The following COLEC12 variants were observed in gnomAD, a reference collection of about 807,000 sequenced individuals.
The protein encoded by COLEC12 is collectin-12.
In COLEC12, 33 loss-of-function variants were observed where a neutral mutation model predicts 71.1. That is an observed-to-expected ratio of 0.46 (90% confidence interval 0.35 to 0.62). The LOEUF is 0.62. Among genes scored for constraint, COLEC12 ranks in the 20% least tolerant of loss-of-function variants. The pLI, the probability that COLEC12 is intolerant of heterozygous loss-of-function variation, is 0.00. For synonymous variants in COLEC12, 350 were observed against 353.0 expected (o/e 0.99, Z 0.10); for missense variants, 765 against 916.1 (o/e 0.84, Z 2.13).
chr18:467,007 G>C (rs958344756), intron 2 of COLEC12, among the ~76,000 whole-genome samples: 4 of 152,078 alleles, frequency 2.6e-5, no homozygotes, highest in African/African-American at 9.7e-5. Flanking sequence ...CAAGTAGTCA[G>C]TAAGGAAAAG....
intron 2 of COLEC12, among the ~76,000 whole-genome samples, chr18:462,286 C>G (rs1348598095): frequency 6.6e-6 from 1 of 152,180 alleles, no homozygotes; most frequent in Admixed American, 6.5e-5. Context: ...AAATGCCTAC[C>G]AATTGATGAA....
rs1242724676 is a variant in COLEC12, at chr18:399,737, C to T, written c.59-42215G>A. ...TGCGGAATTTGGGGTGGATGCCGAGCGCTGGGAAGGAATATGCCCTCGTTC... is the reference window on the plus strand; with the variant it reads ...TGCGGAATTTGGGGTGGATGCCGAGTGCTGGGAAGGAATATGCCCTCGTTC... On this transcript the variant is annotated intron_variant, in intron 2 of 9. Transcript: ENST00000400256. This position sits in a 1 kb window ranked among gnomAD's most constrained non-coding sequence, Gnocchi z 4.0. 2.6e-5 allele frequency among the ~76,000 whole-genome samples: 4 copies of T among 152,130 alleles called. No individual in the cohort carries two copies. Among genetic ancestry groups the T allele is most frequent in the African/African-American group, 4.8e-5 (2 of 41,430 alleles).
At chr18:357,232 A>T (rs1379491004) in intron 3 of COLEC12, among the ~76,000 whole-genome samples, 168 bp downstream of exon 3, 1 of 152,232 alleles carries the variant, frequency 6.6e-6, no homozygotes, top group African/African-American at 2.4e-5. Flanking sequence ...CCCCTTTCAG[A>T]TCTCATAGCT....
chr18:476,194 A>G (rs534569515), intron 2 of COLEC12, among the ~76,000 whole-genome samples: 1 of 152,224 alleles, frequency 6.6e-6, no homozygotes, highest in South Asian at 2.1e-4. Flanking sequence ...CAATCCCCTT[A>G]GAACTCTCCC....
At chr18:476,036 G>T (rs537065328) in intron 2 of COLEC12, among the ~76,000 whole-genome samples, 104 of 152,332 alleles carry the variant, frequency 6.8e-4, no homozygotes, top group Non-Finnish European at 1.2e-3. Flanking sequence ...AGCCTGGCTT[G>T]TTTGAAGCTA....
At chr18:368,734 C>CG (rs1914920825) in intron 2 of COLEC12, among the ~76,000 whole-genome samples, 2 of 152,148 alleles carry the variant, frequency 1.3e-5, no homozygotes, top group South Asian at 4.1e-4. Flanking sequence ...GGCGTGGTGG[C>CG]GGGCGCCTGT....
At chr18:331,457 A>C (rs1400451708) in intron 8 of COLEC12, among the ~76,000 whole-genome samples, 1 of 152,216 alleles carries the variant, frequency 6.6e-6, no homozygotes, top group East Asian at 1.9e-4. Flanking sequence ...TCACTCCATG[A>C]AAAGAAGAAA....
At position 442,034 on chromosome 18, in the gene COLEC12, CACACACACACA is replaced by C. The variant is rs1372912826; in HGVS notation, c.58+38662_58+38672del. On this transcript the variant is annotated intron_variant, in intron 2 of 9. Coordinates refer to ENST00000400256, the MANE Select transcript of COLEC12 (RefSeq NM_130386.3). ...ACACACACACACACACACACACACA[CACACACACACA>C]CACACACAGCTTCTGATGACTGTCA... Among the ~76,000 whole-genome samples the C allele has an allele frequency of 4.0e-5, 6 of 148,236 alleles. No individual in the cohort carries two copies. In the East Asian group the frequency reaches 5.8e-4, roughly 14 times the overall value.
chr18:494,521 T>C (rs1273751907), intron 1 of COLEC12, among the ~76,000 whole-genome samples: 3 of 152,182 alleles, frequency 2.0e-5, no homozygotes, highest in Admixed American at 6.5e-5. Context: ...TTAAGTGACT[T>C]GCCTGAGGTC....
chr18:470,586 A>AAG (rs1356510387), intron 2 of COLEC12, among the ~76,000 whole-genome samples: 160 of 152,138 alleles, frequency 1.1e-3, no homozygotes, highest in African/African-American at 3.8e-3. Flanking sequence ...GTCTCTAAAA[A>AAG]AAAAAAAATT....
intron 2 of COLEC12, among the ~76,000 whole-genome samples, chr18:455,646 TG>T (rs1008212298): frequency 4.7e-5 from 7 of 149,532 alleles, no homozygotes; most frequent in Non-Finnish European, 7.4e-5. Flanking sequence ...CCCCTCCCTT[TG>T]CCCCCCCCTC....
At chr18:436,830 T>C (rs1047744875) in intron 2 of COLEC12, among the ~76,000 whole-genome samples, 3 of 152,136 alleles carry the variant, frequency 2.0e-5, no homozygotes. Flanking sequence ...AAGGTCCAGG[T>C]TTTACATTTT....
At chr18:475,390 C>G (rs61643868) in intron 2 of COLEC12, among the ~76,000 whole-genome samples, 1 of 152,074 alleles carries the variant, frequency 6.6e-6, no homozygotes, top group Admixed American at 6.6e-5. Flanking sequence ...TTCTGCAGGG[C>G]TGCGGTGAGA....
intron 1 of COLEC12, among the ~76,000 whole-genome samples, chr18:481,275 C>A (rs1440953921): frequency 6.6e-6 from 1 of 152,196 alleles, no homozygotes; most frequent in African/African-American, 2.4e-5. Context: ...GCCGACATAA[C>A]TCCTGCAGTG....
chr18:449,444 T>C (rs1422884297), intron 2 of COLEC12, among the ~76,000 whole-genome samples: 2 of 152,230 alleles, frequency 1.3e-5, no homozygotes, highest in African/African-American at 4.8e-5. Context: ...GAAGGAGACC[T>C]GCAACATAAT....
intron 1 of COLEC12, among the ~76,000 whole-genome samples, chr18:493,410 T>C (rs1917653529): frequency 6.6e-6 from 1 of 152,220 alleles, no homozygotes; most frequent in Admixed American, 6.5e-5. Flanking sequence ...GCTTGCCCTA[T>C]TAATGTAATA....
chr18:496,078 T>C (rs1395737844), intron 1 of COLEC12, among the ~76,000 whole-genome samples: 4 of 152,226 alleles, frequency 2.6e-5, no homozygotes, highest in Non-Finnish European at 5.9e-5. Context: ...AAATGTCCAT[T>C]TTCCCATTTG....
At chr18:487,740 C>T (rs1365746802) in intron 1 of COLEC12, among the ~76,000 whole-genome samples, 2 of 152,190 alleles carry the variant, frequency 1.3e-5, no homozygotes, top group Non-Finnish European at 2.9e-5. Flanking sequence ...GAAGGTTCTT[C>T]TCTGGGGAAT....
intron 2 of COLEC12, among the ~76,000 whole-genome samples, chr18:438,567 CT>C (rs1916450746): frequency 6.6e-6 from 1 of 152,130 alleles, no homozygotes; most frequent in Non-Finnish European, 1.5e-5. Context: ...AATCCCAGTA[CT>C]TTGGGAGGCC....
Sources: allele counts gnomAD v4.1 joint callset (sites outside exome capture counted in the v4.1 genomes callset), GRCh38; gene constraint gnomAD v4.1.1; non-coding constraint Gnocchi (gnomAD v3.1); transcripts MANE v1.5; gene names NCBI Gene and HGNC (gene_info 2026-07-23, HGNC 2026-07-21).